MAST2: variants seen among roughly 807,000 people sequenced by gnomAD.
MAST2 encodes the protein microtubule-associated serine/threonine-protein kinase 2.
MAST2 carries 70 observed loss-of-function variants against 147.4 expected under a neutral mutation model. The ratio of observed to expected loss-of-function variants is 0.47; its 90% CI spans 0.39 to 0.58. MAST2 has a LOEUF of 0.58. Among genes scored for constraint, MAST2 ranks in the 20% least tolerant of loss-of-function variants. The pLI is 0.00. For synonymous variants in MAST2, 869 were observed against 896.8 expected, an observed-to-expected ratio of 0.97 and a Z score of 0.55; for missense variants, 2,080 against 2,302.3, an observed-to-expected ratio of 0.90 and a Z score of 1.98.
chr1:45,875,183 C>T (rs113691328), intron 3 of MAST2, among the ~76,000 whole-genome samples: 7 of 152,300 alleles, frequency 4.6e-5, no homozygotes, highest in South Asian at 2.1e-4. Context: ...CGGTGGCTCA[C>T]GCCTGTAATC....
intron 4 of MAST2, among the ~76,000 whole-genome samples, chr1:45,894,638 A>G (rs1337711769): frequency 1.3e-5 from 2 of 152,198 alleles, no homozygotes; most frequent in African/African-American, 4.8e-5. Context: ...TGAATAAATT[A>G]TTTGCTAAAA....
intron 4 of MAST2, among the ~76,000 whole-genome samples, chr1:45,891,828 G>T (rs115265499): frequency 0.012 from 1,843 of 152,078 alleles, 28 homozygotes; most frequent in African/African-American, 0.039. Context: ...TTTTTATAAA[G>T]AATCTCAGAT....
Position 46,009,315 on chromosome 1 carries a change from A to G in MAST2, c.978+944A>G, listed in dbSNP as rs545215409. 3.9e-5 allele frequency among the ~76,000 whole-genome samples: 6 copies of G among 152,196 alleles called. 1 individual carries two copies. Among genetic ancestry groups the G allele is most frequent in the South Asian group, 2.1e-4 (1 of 4,818 alleles). ...GTGATCCACCTGCCTCAGCCTCCCA[A>G]AGTGCTGGGATTACAGGCATGAGCC... is the stretch of plus-strand genomic sequence containing the variant. On this transcript the variant is annotated intron_variant, in intron 9 of 28. Coordinates refer to ENST00000361297, the MANE Select transcript of MAST2 (RefSeq NM_015112.3).
chr1:45,946,482 A>G (rs955504753), intron 4 of MAST2, among the ~76,000 whole-genome samples: 1 of 152,066 alleles, frequency 6.6e-6, no homozygotes, highest in Non-Finnish European at 1.5e-5. Flanking sequence ...GATTCCTTCC[A>G]AGTGTTCTTA....
Position 46,023,356 on chromosome 1 carries a change from C to T in MAST2, c.1571+38C>T, listed in dbSNP as rs778745582. 8.2e-6 allele frequency: 13 copies of T among 1,578,164 alleles called. No individual in the cohort carries two copies. The highest frequency in any genetic ancestry group is 1.7e-5 in the Admixed American group (1 of 59,952). On this transcript the variant is annotated intron_variant, in intron 14 of 28. Coordinates refer to ENST00000361297, the MANE Select transcript of MAST2 (RefSeq NM_015112.3). This position sits in a 1 kb window ranked among gnomAD's most constrained non-coding sequence, Gnocchi z 4.9. Reference sequence around the variant, plus strand: ...GTCAGGGTGTGGCCAGGACTGAAGCCGGGTCAGCCTTTGATCTCTTCCATG... The same window carrying T: ...GTCAGGGTGTGGCCAGGACTGAAGCTGGGTCAGCCTTTGATCTCTTCCATG...
At chr1:45,988,119 C>T (rs1332579562) in intron 5 of MAST2, among the ~76,000 whole-genome samples, 3 of 152,008 alleles carry the variant, frequency 2.0e-5, no homozygotes, top group Non-Finnish European at 2.9e-5. Context: ...CTTAAGCGAT[C>T]CTCCTGCCTC....
At position 45,997,699 on chromosome 1, in the gene MAST2, G is replaced by GT. The variant is rs940898912; in HGVS notation, c.593-21dup. The stretch of plus-strand genomic sequence containing the variant: ...CCTCCTCACAAGCAAACCTCACAGA[G>GT]TTTTGTTTCTTTTCCCATCCACAGG... On this transcript the variant is annotated intron_variant, in intron 5 of 28. Coordinates refer to ENST00000361297, the MANE Select transcript of MAST2 (RefSeq NM_015112.3). 3 of 1,598,524 alleles carry GT rather than the reference G, an allele frequency of 1.9e-6. No individual in the cohort carries two copies. The African/African-American group carries it at 4.0e-5, about 21-fold the overall frequency.
Position 46,031,465 on chromosome 1 carries a change from GTGCGT to G in MAST2, c.3068_3072del (p.Val1023GlufsTer103). On this transcript the variant is annotated frameshift_variant, in exon 24 of 29. Transcript: ENST00000361297. LOFTEE classifies it high-confidence loss of function. The surrounding 1 kb of genome is among the most constrained non-coding windows in gnomAD (Gnocchi z 4.1). ...AGCCAAGGCCATCAGTGACCTGGCT[GTGCGT>G]AGGGCCCGCCACCGGCTGCTCTCTG... is the stretch of plus-strand genomic sequence containing the variant. 1.9e-6 allele frequency: 3 copies of G among 1,614,062 alleles called. 1 individual carries two copies. The South Asian group carries it at 3.3e-5, about 18-fold the overall frequency.
Position 45,995,796 on chromosome 1 carries a change from T to TTA in MAST2, c.593-1927_593-1926insAT, listed in dbSNP as rs566150946. ...CAATGATACTGTTTTTCTTGAGAGA[T>TTA]TCTCAGATACTCTCTGGGATGTTTG... is the stretch of plus-strand genomic sequence containing the variant. On this transcript the variant is annotated intron_variant, in intron 5 of 28. Transcript: ENST00000361297. Among the ~76,000 whole-genome samples, 67 of 152,300 alleles carry TTA rather than the reference T, an allele frequency of 4.4e-4. 1 individual carries two copies. The East Asian group carries it at 8.5e-3, about 19-fold the overall frequency.
intron 5 of MAST2, among the ~76,000 whole-genome samples, chr1:45,991,466 A>C (rs1475177947): frequency 6.6e-6 from 1 of 152,206 alleles, no homozygotes; most frequent in African/African-American, 2.4e-5. Context: ...CCGTAGATCA[A>C]ATTGCTTATA....
In MAST2 at chr1:46,010,949, C is replaced by T; in HGVS notation, c.1188+10C>T. 6.2e-7 allele frequency: 1 copy of T among 1,610,660 alleles called. No individual in the cohort carries two copies. Among genetic ancestry groups the T allele is most frequent in the Middle Eastern group, 1.7e-4 (1 of 6,054 alleles). ...GAAACTTTTACAAGATGTGAGTGTC[C>T]TTGTGCTGGGGTTCTGAAAAAACCT... is the stretch of plus-strand genomic sequence containing the variant. On this transcript the variant is annotated intron_variant, in intron 10 of 28. Coordinates refer to ENST00000361297, the MANE Select transcript of MAST2 (RefSeq NM_015112.3).
At chr1:45,972,028 C>T (rs1363445644) in intron 5 of MAST2, among the ~76,000 whole-genome samples, 3 of 152,068 alleles carry the variant, frequency 2.0e-5, no homozygotes, top group African/African-American at 7.2e-5. Context: ...CAAGGTCAAG[C>T]TCAAGCCCTA....
chr1:45,947,744 T>A (rs1264674459), intron 4 of MAST2, among the ~76,000 whole-genome samples: 39 of 152,116 alleles, frequency 2.6e-4, no homozygotes. Context: ...TGAGACGGAG[T>A]CTCGCTCTGT....
intron 4 of MAST2, among the ~76,000 whole-genome samples, chr1:45,920,378 T>C (rs1206269498): frequency 6.6e-6 from 1 of 152,224 alleles, no homozygotes; most frequent in African/African-American, 2.4e-5. Context: ...GGGAGACTGC[T>C]GGACTCTGTT....
At chr1:45,953,095 A>G (rs1659166760) in intron 4 of MAST2, among the ~76,000 whole-genome samples, 1 of 152,182 alleles carries the variant, frequency 6.6e-6, no homozygotes, top group African/African-American at 2.4e-5. Context: ...TTGTTCAGAA[A>G]GAGAGTTGAG....
At chr1:46,001,055 G>A (rs1430264849) in intron 6 of MAST2, 3 of 1,157,598 alleles carry the variant, frequency 2.6e-6, no homozygotes, top group Non-Finnish European at 3.5e-6. Flanking sequence ...GTGATGTTGT[G>A]GTTGGTGAAA....
Position 45,859,835 on chromosome 1 carries a change from ATAG to A in MAST2, c.469-22525_469-22523del, listed in dbSNP as rs1645917244. ...TGATAGTCCTCTCAATACTAATAAC[ATAG>A]TAGAGAAGATGATGAAAATGTTTTA... On this transcript the variant is annotated intron_variant, in intron 3 of 28. Transcript: ENST00000361297. 4.6e-5 allele frequency among the ~76,000 whole-genome samples: 7 copies of A among 152,332 alleles called. No individual in the cohort carries two copies. The South Asian group carries it at 1.2e-3, about 27-fold the overall frequency.
At chr1:45,969,970 C>T (rs767136290) in intron 5 of MAST2, among the ~76,000 whole-genome samples, 23 of 152,036 alleles carry the variant, frequency 1.5e-4, no homozygotes, top group African/African-American at 2.2e-4. Flanking sequence ...TCAGTATTTC[C>T]CCCACACCAT....
chr1:45,882,310 C>T, intron 3 of MAST2, 54 bp from the exon 4 acceptor site: 1 of 1,262,382 alleles, frequency 7.9e-7, no homozygotes, highest in South Asian at 1.2e-5. Context: ...TTAGGTAGAC[C>T]AACAGGACTC....
Sources: gnomAD v4.1 joint callset for allele counts (sites outside exome capture counted in the v4.1 genomes callset) on GRCh38, gnomAD v4.1.1 for gene constraint, Gnocchi (gnomAD v3.1) non-coding constraint, MANE v1.5 for transcripts, NCBI Gene and HGNC (gene_info 2026-07-23, HGNC 2026-07-21) for gene names.